UBAP2: variants seen among roughly 807,000 people sequenced by gnomAD.
UBAP2 encodes the protein ubiquitin-associated protein 2.
A neutral mutation model predicts 139.6 loss-of-function variants in UBAP2; 75 were observed. That is an observed-to-expected ratio of 0.54 (90% CI 0.45 to 0.65). UBAP2 has a LOEUF of 0.65. Among genes scored for constraint, UBAP2 ranks in the 30% least tolerant of loss-of-function variants. The pLI is 0.00. For synonymous variants in UBAP2, 526 were observed against 526.2 expected (o/e 1.00, Z 0.01); for missense variants, 1,368 against 1,369.6 (o/e 1.00, Z 0.02).
At chr9:33,975,943 T>C (rs547966022) in intron 6 of UBAP2, among the ~76,000 whole-genome samples, 2 of 152,042 alleles carry the variant, frequency 1.3e-5, no homozygotes, top group African/African-American at 4.8e-5. Flanking sequence ...AGGCCTGACA[T>C]GGTGGCTCAC....
At chr9:34,026,957 G>A (rs547295812) in intron 1 of UBAP2, among the ~76,000 whole-genome samples, 1 of 152,230 alleles carries the variant, frequency 6.6e-6, no homozygotes, top group East Asian at 1.9e-4. Flanking sequence ...TGCAAAGCTT[G>A]TGCCTGATGA....
Position 34,002,598 on chromosome 9 carries a change from G to C in UBAP2, c.100-3734C>G, listed in dbSNP as rs773440700. 2.0e-5 allele frequency among the ~76,000 whole-genome samples: 3 copies of C among 151,876 alleles called. No individual in the cohort carries two copies. In the East Asian group the frequency reaches 5.8e-4, roughly 29 times the overall value. ...TCACAATGTTGGTCAGGCTGGTCTC[G>C]AACTCCTGACCTCATGATCCGCCCA... is the stretch of plus-strand genomic sequence containing the variant. On this transcript the variant is annotated intron_variant, in intron 2 of 28. Transcript: ENST00000379238.
At chr9:33,959,721 G>T (rs1409394395) in intron 10 of UBAP2, among the ~76,000 whole-genome samples, 2 of 152,050 alleles carry the variant, frequency 1.3e-5, no homozygotes, top group Non-Finnish European at 2.9e-5. Flanking sequence ...TTAAAAAAAG[G>T]TTCTTCTAGT....
At position 33,956,121 on chromosome 9, in the gene UBAP2, G is replaced by T. The variant is rs770202877; in HGVS notation, c.824C>A (p.Ala275Asp). The T allele has an allele frequency of 6.2e-7, 1 of 1,613,660 alleles. No individual in the cohort carries two copies. Among genetic ancestry groups the T allele is most frequent in the East Asian group, 2.2e-5 (1 of 44,848 alleles). The change falls in exon 11 of 29, where the codon GCC becomes GAC. Residue 275 changes from alanine (A) to aspartate (D), a missense_variant. Transcript: ENST00000379238. ...EDLSETKVFT[A>D]SSAPAENHIL... is the part of the protein sequence containing the mutation. The stretch of plus-strand genomic sequence containing the variant: ...GTGATTCTCTGCTGGAGCAGATGAG[G>T]CAGTGAAGACCTTTGTTTCAGAAAG...
At chr9:33,949,311 AC>A (rs1257531343) in intron 12 of UBAP2, among the ~76,000 whole-genome samples, 1 of 152,232 alleles carries the variant, frequency 6.6e-6, no homozygotes, top group Non-Finnish European at 1.5e-5. Flanking sequence ...CAACAAAAAC[AC>A]ATTATTTTCC....
intron 2 of UBAP2, among the ~76,000 whole-genome samples, chr9:34,016,365 AGCG>A (rs1554690837): frequency 9.3e-5 from 1 of 10,728 alleles, no homozygotes; most frequent in African/African-American, 1.8e-4. Flanking sequence ...CAGCGGCGGC[AGCG>A]GCGGTGGTGG....
At chr9:33,941,928 ACAT>A in intron 15 of UBAP2, 66 bp from the exon 16 acceptor site, 2 of 1,097,064 alleles carry the variant, frequency 1.8e-6, no homozygotes, top group Non-Finnish European at 2.7e-6. Context: ...AAAAAAAAAA[ACAT>A]AAACAGCTTC....
chr9:33,973,438 A>C (rs1828060059), intron 6 of UBAP2, among the ~76,000 whole-genome samples: 1 of 152,216 alleles, frequency 6.6e-6, no homozygotes, highest in Admixed American at 6.5e-5. Context: ...AAGGCTAGAA[A>C]AGAATTAAAT....
chr9:33,953,543 C>A, intron 11 of UBAP2, 69 bp from the exon 12 acceptor site: 1 of 1,456,810 alleles, frequency 6.9e-7, no homozygotes, highest in East Asian at 2.3e-5. Flanking sequence ...TGTGAGAAGT[C>A]AATCAATATA....
intron 13 of UBAP2, among the ~76,000 whole-genome samples, chr9:33,947,981 CAAAA>C (rs34296980): frequency 6.2e-5 from 5 of 80,608 alleles, no homozygotes; most frequent in Admixed American, 3.0e-4. Context: ...GACCCCATCT[CAAAA>C]AAAAAAAAAA....
At chr9:34,019,512 G>A (rs1053863349) in intron 1 of UBAP2, among the ~76,000 whole-genome samples, 3 of 152,122 alleles carry the variant, frequency 2.0e-5, no homozygotes, top group Non-Finnish European at 2.9e-5. Flanking sequence ...GAGGCTGGGG[G>A]TAGGGGAAGA....
intron 1 of UBAP2, 80 bp from the exon 2 acceptor site, chr9:34,017,269 C>G: frequency 1.7e-6 from 1 of 573,384 alleles, no homozygotes; most frequent in Non-Finnish European, 2.8e-6. Context: ...AGGACACTTA[C>G]AATAAAAGAT....
chr9:34,027,463 C>T (rs1350903364), intron 1 of UBAP2, among the ~76,000 whole-genome samples: 1 of 151,954 alleles, frequency 6.6e-6, no homozygotes, highest in Non-Finnish European at 1.5e-5. Flanking sequence ...ATGCCTGTAA[C>T]TCCAACAGTC....
intron 9 of UBAP2, 46 bp from the exon 10 acceptor site, chr9:33,960,924 T>G (rs1203978349): frequency 1.3e-6 from 2 of 1,578,394 alleles, no homozygotes. Context: ...CAAAGTCAAA[T>G]ACAGTCTCAG....
chr9:33,988,943 G>A (rs1564049824), intron 5 of UBAP2, 30 bp downstream of exon 5: 1 of 1,589,504 alleles, frequency 6.3e-7, no homozygotes, highest in Non-Finnish European at 8.5e-7. Context: ...TGAAAGAAGA[G>A]AAAAAACTGA....
At chr9:34,046,428 G>C (rs1827588377) in intron 1 of UBAP2, among the ~76,000 whole-genome samples, 2 of 151,840 alleles carry the variant, frequency 1.3e-5, no homozygotes, top group African/African-American at 2.4e-5. Flanking sequence ...CGGATCACGG[G>C]GTCAGGAGAT....
At chr9:33,954,448 C>T (rs1410760062) in intron 11 of UBAP2, among the ~76,000 whole-genome samples, 1 of 152,112 alleles carries the variant, frequency 6.6e-6, no homozygotes, top group Non-Finnish European at 1.5e-5. Flanking sequence ...ACTTCCTGTA[C>T]CAACTCTTTT....
intron 16 of UBAP2, among the ~76,000 whole-genome samples, chr9:33,939,088 T>C (rs1165189728): frequency 6.6e-6 from 1 of 152,034 alleles, no homozygotes; most frequent in African/African-American, 2.4e-5. Flanking sequence ...AGTTTATATG[T>C]TCCAAGATTC....
chr9:34,007,473 G>A (rs1823322957), intron 2 of UBAP2, among the ~76,000 whole-genome samples: 1 of 150,340 alleles, frequency 6.7e-6, no homozygotes, highest in Admixed American at 6.7e-5. Context: ...TTCCAGCCTG[G>A]GTGACCCTGT....
Sources: allele counts gnomAD v4.1 joint callset (sites outside exome capture counted in the v4.1 genomes callset), GRCh38; gene constraint gnomAD v4.1.1; transcripts MANE v1.5; gene names NCBI Gene and HGNC (gene_info 2026-07-23, HGNC 2026-07-21).